The following MARCHF3 variants were observed in gnomAD, a reference collection of about 807,000 sequenced individuals.
MARCHF3 encodes the protein membrane associated ring-CH-type finger 3.
A neutral mutation model predicts 24.2 loss-of-function variants in MARCHF3; 13 were observed. The observed-to-expected ratio is 0.54, with a 90% confidence interval of 0.35 to 0.85. The LOEUF (loss-of-function observed/expected upper bound fraction) is 0.85. Among genes scored for constraint, MARCHF3 ranks in the 40% least tolerant of loss-of-function variants. The pLI is 0.01. For synonymous variants in MARCHF3, 144 were observed against 137.3 expected (o/e 1.05, Z -0.34); for missense variants, 276 against 325.0 (o/e 0.85, Z 1.16).
intron 1 of MARCHF3, among the ~76,000 whole-genome samples, chr5:126,989,591 G>A (rs1751682454): frequency 6.6e-6 from 1 of 152,218 alleles, no homozygotes; most frequent in East Asian, 1.9e-4. Context: ...CCACAGGCAG[G>A]GGCACAGATT....
At chr5:126,939,346 G>A (rs1022711009) in intron 1 of MARCHF3, among the ~76,000 whole-genome samples, 1 of 152,144 alleles carries the variant, frequency 6.6e-6, no homozygotes, top group Non-Finnish European at 1.5e-5. Context: ...TTTGGCGAGG[G>A]TTGACAAAAG....
chr5:126,958,094 A>G (rs1425927223), intron 1 of MARCHF3, among the ~76,000 whole-genome samples: 1 of 152,114 alleles, frequency 6.6e-6, no homozygotes, highest in Non-Finnish European at 1.5e-5. Context: ...GATTTTTATT[A>G]TCAAATTTTT....
chr5:126,997,114 G>A (rs1408244818), intron 1 of MARCHF3, among the ~76,000 whole-genome samples: 1 of 152,172 alleles, frequency 6.6e-6, no homozygotes. Flanking sequence ...AATTTAGTAT[G>A]AGGACAAGCA....
chr5:126,895,433 C>G (rs1385420973), intron 3 of MARCHF3, among the ~76,000 whole-genome samples: 1 of 152,050 alleles, frequency 6.6e-6, no homozygotes, highest in Admixed American at 6.6e-5. Flanking sequence ...TTTTCCCCAT[C>G]TTTGTGGTTT....
At chr5:126,871,876 T>C (rs1752978697) in intron 4 of MARCHF3, among the ~76,000 whole-genome samples, 1 of 151,468 alleles carries the variant, frequency 6.6e-6, no homozygotes, top group Admixed American at 6.6e-5. Flanking sequence ...CTGGCAAATT[T>C]TTGTGTTTTT....
chr5:126,898,005 G>C (rs1351143224), intron 3 of MARCHF3, among the ~76,000 whole-genome samples: 1 of 152,072 alleles, frequency 6.6e-6, no homozygotes, highest in Non-Finnish European at 1.5e-5. Context: ...AATCCATAGA[G>C]GCTGAAGATA....
chr5:126,882,622 AGAACAG>A (rs1753380664), intron 3 of MARCHF3, among the ~76,000 whole-genome samples: 1 of 152,214 alleles, frequency 6.6e-6, no homozygotes, highest in Admixed American at 6.5e-5. Flanking sequence ...GCATTAATAA[AGAACAG>A]GAAGAGGCAG....
At chr5:126,883,714 G>T (rs562434631) in intron 3 of MARCHF3, among the ~76,000 whole-genome samples, 173 of 152,292 alleles carry the variant, frequency 1.1e-3, no homozygotes, top group African/African-American at 4.1e-3. Flanking sequence ...AAGAGGGGGT[G>T]CCAGAGGTGC....
chr5:126,988,259 AG>A (rs1334981296), intron 1 of MARCHF3, among the ~76,000 whole-genome samples: 1 of 152,196 alleles, frequency 6.6e-6, no homozygotes, highest in African/African-American at 2.4e-5. Context: ...CCCAACATCA[AG>A]GTTCCATGCA....
intron 1 of MARCHF3, among the ~76,000 whole-genome samples, chr5:126,961,535 A>T (rs1476450440): frequency 6.6e-6 from 1 of 152,178 alleles, no homozygotes; most frequent in Non-Finnish European, 1.5e-5. Flanking sequence ...TTTTTGTCCT[A>T]TGCTGTCCCC....
rs146031222 is a variant in MARCHF3 at position 127,010,968 on chromosome 5, G to C, written c.-57+19382C>G. On this transcript the variant is annotated intron_variant, in intron 1 of 4. Coordinates refer to ENST00000308660, the MANE Select transcript of MARCHF3 (RefSeq NM_178450.5). ...GTGATGGTTGCACAATATTATGAATGTATTTACTACCACTGAACTGTACAT... is the reference window on the plus strand; with the variant it reads ...GTGATGGTTGCACAATATTATGAATCTATTTACTACCACTGAACTGTACAT... Among the ~76,000 whole-genome samples, 476 of 152,198 alleles carry C rather than the reference G, an allele frequency of 3.1e-3. 4 individuals carry two copies. Among genetic ancestry groups the C allele is most frequent in the African/African-American group, 0.011 (450 of 41,530 alleles).
intron 3 of MARCHF3, among the ~76,000 whole-genome samples, chr5:126,885,522 G>A (rs113812079): frequency 0.1 from 15,593 of 152,074 alleles, 1,251 homozygotes; most frequent in East Asian, 0.29. Flanking sequence ...AGCTGAGATT[G>A]TGCCATTGCA....
intron 1 of MARCHF3, among the ~76,000 whole-genome samples, chr5:126,926,019 GT>G (rs1749283236): frequency 6.6e-6 from 1 of 152,140 alleles, no homozygotes; most frequent in Non-Finnish European, 1.5e-5. Context: ...CTCCCAATTT[GT>G]TTTTGGGCTC....
rs762196984 is a variant in MARCHF3 at position 126,878,172 on chromosome 5, G to A, written c.603+13C>T. The A allele has an allele frequency of 2.0e-5, 32 of 1,613,100 alleles. No individual in the cohort carries two copies. The highest frequency in any genetic ancestry group is 5.0e-5 in the Admixed American group (3 of 60,006). On this transcript the variant is annotated intron_variant, in intron 4 of 4. Transcript: ENST00000308660. ...TCCAAATGGCCTGAACCCCAGCCAC[G>A]GCCCATACTTACTAGTGTCCAAAAG... is the stretch of plus-strand genomic sequence containing the variant.
chr5:126,931,389 G>C (rs765699821), intron 1 of MARCHF3, among the ~76,000 whole-genome samples: 188 of 152,274 alleles, frequency 1.2e-3, no homozygotes, highest in Non-Finnish European at 7.2e-4. Context: ...CAAGGTGAAA[G>C]GGAAGTGCAC....
intron 2 of MARCHF3, among the ~76,000 whole-genome samples, chr5:126,916,844 G>A (rs964749011): frequency 2.6e-5 from 4 of 152,108 alleles, no homozygotes; most frequent in East Asian, 1.9e-4. Context: ...GTCTCAGTTC[G>A]CAGAGGACCG....
rs567396403 is a variant in MARCHF3, at chr5:126,915,209, G to T, written c.189-75C>A. 2.8e-5 allele frequency: 41 copies of T among 1,460,276 alleles called. No homozygotes were observed. In the South Asian group the frequency reaches 4.6e-4, roughly 16 times the overall value. 90.5% of individuals were successfully genotyped at this position (1,460,276 alleles called of 1,614,324 possible). Reference sequence around the variant, plus strand: ...CCAAGTGGATGGCCCTCTAGCTCTTGTCCTTTGGGCCCTCCCCAGAGGCAG... The same window carrying T: ...CCAAGTGGATGGCCCTCTAGCTCTTTTCCTTTGGGCCCTCCCCAGAGGCAG... On this transcript the variant is annotated intron_variant, in intron 2 of 4. Coordinates refer to ENST00000308660, the MANE Select transcript of MARCHF3 (RefSeq NM_178450.5).
chr5:126,945,305 T>C (rs1445892119), intron 1 of MARCHF3, among the ~76,000 whole-genome samples: 1 of 152,180 alleles, frequency 6.6e-6, no homozygotes, highest in Non-Finnish European at 1.5e-5. Flanking sequence ...TTACCAGAAC[T>C]CCTCTGGATA....
intron 3 of MARCHF3, among the ~76,000 whole-genome samples, chr5:126,906,288 G>T (rs1206442219): frequency 6.6e-6 from 1 of 151,952 alleles, no homozygotes; most frequent in Non-Finnish European, 1.5e-5. Flanking sequence ...TTTTTTGGTT[G>T]TGTCTCTGTC....
Sources: allele counts gnomAD v4.1 joint callset (sites outside exome capture counted in the v4.1 genomes callset), GRCh38; gene constraint gnomAD v4.1.1; transcripts MANE v1.5; gene names NCBI Gene and HGNC (gene_info 2026-07-23, HGNC 2026-07-21).